CAPZA2: variants seen among roughly 807,000 people sequenced by gnomAD.
The protein encoded by CAPZA2 is F-actin-capping protein subunit alpha-2.
In CAPZA2, 13 loss-of-function variants were observed where a neutral mutation model predicts 44.0. The ratio of observed to expected loss-of-function variants is 0.30; its 90% confidence interval spans 0.19 to 0.47. CAPZA2 has a LOEUF of 0.47. Ranked by LOEUF, CAPZA2 falls within the 20% of genes least tolerant of loss-of-function variation. CAPZA2 has a pLI of 1.00. For synonymous variants in CAPZA2, 94 were observed against 108.2 expected, an observed-to-expected ratio of 0.87 and a Z score of 0.81; for missense variants, 244 against 338.6, an observed-to-expected ratio of 0.72 and a Z score of 2.19.
intron 3 of CAPZA2, among the ~76,000 whole-genome samples, chr7:116,897,405 A>G (rs1381099175): frequency 1.3e-5 from 2 of 152,152 alleles, no homozygotes; most frequent in African/African-American, 4.8e-5. Flanking sequence ...AGCATGTAGT[A>G]TCAAGAATTT....
chr7:116,890,524 AAATATATATATATAT>A (rs1585007613), intron 2 of CAPZA2, among the ~76,000 whole-genome samples: 4 of 29,824 alleles, frequency 1.3e-4, no homozygotes, highest in South Asian at 1.7e-3. Flanking sequence ...AAAAAAAAAA[AAATATATATATATAT>A]ATATATATAT....
chr7:116,877,747 T>G (rs1226811992), intron 1 of CAPZA2, among the ~76,000 whole-genome samples: 1 of 152,214 alleles, frequency 6.6e-6, no homozygotes, highest in African/African-American at 2.4e-5. Context: ...AGAAGAGCCT[T>G]ATATATCATG....
intron 1 of CAPZA2, among the ~76,000 whole-genome samples, chr7:116,867,818 A>G (rs1294171753): frequency 1.3e-5 from 2 of 152,150 alleles, no homozygotes; most frequent in African/African-American, 4.8e-5. Context: ...TCCTGAGCTC[A>G]GGTGATCTGC....
At chr7:116,865,377 G>A (rs1363322044) in intron 1 of CAPZA2, among the ~76,000 whole-genome samples, 1 of 151,738 alleles carries the variant, frequency 6.6e-6, no homozygotes, top group Non-Finnish European at 1.5e-5. Context: ...GTAGAGACGG[G>A]GTTTCGCTAT....
intron 1 of CAPZA2, 110 bp downstream of exon 1, chr7:116,862,760 C>T (rs926202896): frequency 7.6e-6 from 9 of 1,184,548 alleles, no homozygotes; most frequent in Admixed American, 2.4e-5. Flanking sequence ...GCTGGCCTTG[C>T]CCTCGGCTGC....
chr7:116,893,601 A>T (rs1425721964), intron 3 of CAPZA2, among the ~76,000 whole-genome samples: 3 of 152,242 alleles, frequency 2.0e-5, no homozygotes, highest in Non-Finnish European at 4.4e-5. Context: ...GCGGTGCCTT[A>T]TACATTCAGT....
At chr7:116,887,812 A>G (rs1301265806) in intron 1 of CAPZA2, among the ~76,000 whole-genome samples, 3 of 152,264 alleles carry the variant, frequency 2.0e-5, no homozygotes, top group Non-Finnish European at 4.4e-5. Flanking sequence ...TAGCCTGCGT[A>G]ACAGAGTGAG....
At chr7:116,868,113 A>G (rs1173338378) in intron 1 of CAPZA2, among the ~76,000 whole-genome samples, 1 of 152,184 alleles carries the variant, frequency 6.6e-6, no homozygotes, top group Non-Finnish European at 1.5e-5. Context: ...TTTTTGAAAC[A>G]TGAAAATCTC....
chr7:116,903,857 T>C (rs910394641), intron 4 of CAPZA2, among the ~76,000 whole-genome samples: 6 of 152,194 alleles, frequency 3.9e-5, no homozygotes, highest in Admixed American at 2.6e-4. Context: ...ATACCAGACA[T>C]TGTAAACTGT....
At chr7:116,910,733 C>T (rs1041908199) in intron 7 of CAPZA2, among the ~76,000 whole-genome samples, 5 of 152,032 alleles carry the variant, frequency 3.3e-5, no homozygotes, top group African/African-American at 4.8e-5. Flanking sequence ...TGGCTGGGCG[C>T]GGTGGCTCAC....
chr7:116,880,458 C>T (rs188742436), intron 1 of CAPZA2, among the ~76,000 whole-genome samples: 61 of 150,432 alleles, frequency 4.1e-4, no homozygotes, highest in Non-Finnish European at 7.0e-4. Flanking sequence ...AGTGCAATAG[C>T]GTGATCTCGG....
chr7:116,913,680 G>T (rs138067225), intron 8 of CAPZA2, among the ~76,000 whole-genome samples: 1 of 151,702 alleles, frequency 6.6e-6, no homozygotes, highest in East Asian at 1.9e-4. Flanking sequence ...TCAGCTCACT[G>T]CAACCTCTGC....
At position 116,918,657 on chromosome 7, in the gene CAPZA2, G is replaced by A. The variant is rs1471742868; in HGVS notation, c.*790G>A. 6.6e-6 allele frequency: 1 copy of A among 152,170 alleles called. No homozygotes were observed. The highest frequency in any genetic ancestry group is 1.5e-5 in the Non-Finnish European group (1 of 67,984). The allele number at this position is 152,170 out of a possible 1,614,324, so 9.4% of individuals were successfully genotyped here. ...TATATAATCCTGAACTCATGACCATGTCTCGGTTTATTTTTTTTTTCTTGG... is the reference window on the plus strand; with the variant it reads ...TATATAATCCTGAACTCATGACCATATCTCGGTTTATTTTTTTTTTCTTGG... On this transcript the variant is annotated 3_prime_UTR_variant, in exon 10 of 10. Coordinates refer to ENST00000361183, the MANE Select transcript of CAPZA2 (RefSeq NM_006136.3).
chr7:116,876,724 T>A (rs1028456827), intron 1 of CAPZA2, among the ~76,000 whole-genome samples: 8 of 152,220 alleles, frequency 5.3e-5, no homozygotes, highest in African/African-American at 1.7e-4. Context: ...GAGGGGTTCT[T>A]GCCCTGGAAT....
chr7:116,867,337 A>G (rs1461278667), intron 1 of CAPZA2, among the ~76,000 whole-genome samples: 2 of 152,176 alleles, frequency 1.3e-5, no homozygotes, highest in African/African-American at 2.4e-5. Context: ...GAAAATTTCT[A>G]GACTAATCCC....
intron 1 of CAPZA2, among the ~76,000 whole-genome samples, chr7:116,886,493 AACAC>A (rs1796763391): frequency 6.6e-6 from 1 of 152,266 alleles, no homozygotes; most frequent in Admixed American, 6.5e-5. Context: ...CACATACACA[AACAC>A]ACACAGCCAT....
intron 3 of CAPZA2, among the ~76,000 whole-genome samples, chr7:116,895,704 GT>G (rs1303412024): frequency 6.6e-6 from 1 of 151,878 alleles, no homozygotes; most frequent in African/African-American, 2.4e-5. Flanking sequence ...ATTGACTTCA[GT>G]AGTATGCAAT....
At chr7:116,902,059 G>C (rs1216588042) in intron 4 of CAPZA2, among the ~76,000 whole-genome samples, 1 of 151,970 alleles carries the variant, frequency 6.6e-6, no homozygotes, top group Non-Finnish European at 1.5e-5. Flanking sequence ...AATCATTAGA[G>C]CAGCATGGAG....
chr7:116,878,135 TAATAGATA>T (rs1251285789), intron 1 of CAPZA2, among the ~76,000 whole-genome samples: 1 of 152,226 alleles, frequency 6.6e-6, no homozygotes, highest in Admixed American at 6.5e-5. Context: ...TGGAGATCTC[TAATAGATA>T]AATTATAGTT....
Sources: gnomAD v4.1 joint callset for allele counts (sites outside exome capture counted in the v4.1 genomes callset) on GRCh38, gnomAD v4.1.1 for gene constraint, MANE v1.5 for transcripts, NCBI Gene and HGNC (gene_info 2026-07-23, HGNC 2026-07-21) for gene names.